SLC12A4: variants seen among roughly 807,000 people sequenced by gnomAD.
SLC12A4 encodes the protein solute carrier family 12 member 4.
SLC12A4 carries 84 observed loss-of-function variants against 119.2 expected under a neutral mutation model. The observed-to-expected ratio is 0.70, with a 90% CI of 0.59 to 0.85. The LOEUF is 0.85. SLC12A4 is among the 40% of genes least tolerant of loss of function. The probability of loss-of-function intolerance (pLI) is 0.00; values close to 1 mark genes in which losing one functional copy is unlikely to be tolerated. For synonymous variants in SLC12A4, 599 were observed against 604.6 expected, an observed-to-expected ratio of 0.99 and a Z score of 0.14; for missense variants, 1,298 against 1,476.3, an observed-to-expected ratio of 0.88 and a Z score of 1.98.
At position 67,944,094 on chromosome 16, in the gene SLC12A4, G is replaced by T. The variant is rs753021814; in HGVS notation, c.*746C>A. 6.5e-7 allele frequency: 1 copy of T among 1,547,692 alleles called. No homozygotes were observed. The highest frequency in any genetic ancestry group is 2.4e-5 in the East Asian group (1 of 40,880). On this transcript the variant is annotated 3_prime_UTR_variant, in exon 24 of 24. Coordinates refer to ENST00000316341, the MANE Select transcript of SLC12A4 (RefSeq NM_005072.5). The surrounding 1 kb of genome is among the most constrained non-coding windows in gnomAD (Gnocchi z 6.6). ...CACCCACTGCCATGGGGAGCCGGGC[G>T]GCCCCATTCCAGCCCTGGTGCCTAC...
chr16:67,954,497 G>A (rs2030134272), intron 6 of SLC12A4, 146 bp downstream of exon 6: 1 of 977,578 alleles, frequency 1.0e-6, no homozygotes, highest in African/African-American at 1.6e-5. Flanking sequence ...CTGAGTAAAG[G>A]TCTTTGTCTC....
rs1219924046 is a variant in SLC12A4 at position 67,950,049 on chromosome 16, T to C, written c.1630-131A>G. The stretch of plus-strand genomic sequence containing the variant: ...CAGGCCGCCCCTGTGTCTATCCCTA[T>C]GGGTGTCACCAGTCTCCCTGATTCC... On this transcript the variant is annotated intron_variant, in intron 12 of 23. Transcript: ENST00000316341. This position sits in a 1 kb window ranked among gnomAD's most constrained non-coding sequence, Gnocchi z 4.3. 1 of 751,208 alleles carries C rather than the reference T, an allele frequency of 1.3e-6. No individual in the cohort carries two copies. The highest frequency in any genetic ancestry group is 1.8e-5 in the African/African-American group (1 of 56,110). The allele number at this position is 751,208 out of a possible 1,614,324, so 46.5% of individuals were successfully genotyped here.
rs966376635 is a variant in SLC12A4, at chr16:67,963,824, A to C, written c.116-265T>G. On this transcript the variant is annotated intron_variant, in intron 1 of 23. Coordinates refer to ENST00000316341, the MANE Select transcript of SLC12A4 (RefSeq NM_005072.5). Reference sequence around the variant, plus strand: ...AGGGCGCAGGCGCCCTAGCACAAGCACGTATGGACACTGAGGGACGGGGCC... The same window carrying C: ...AGGGCGCAGGCGCCCTAGCACAAGCCCGTATGGACACTGAGGGACGGGGCC... 6 of 1,421,166 alleles carry C rather than the reference A, an allele frequency of 4.2e-6. No homozygotes were observed. The East Asian group carries it at 1.3e-4, about 30-fold the overall frequency. 88.0% of individuals were successfully genotyped at this position (1,421,166 alleles called of 1,614,324 possible).
intron 6 of SLC12A4, 119 bp downstream of exon 6, chr16:67,954,524 C>A: frequency 7.8e-7 from 1 of 1,282,124 alleles, no homozygotes; most frequent in Non-Finnish European, 1.1e-6. Flanking sequence ...AGGCTTCCTA[C>A]TTTATAATAC....
intron 1 of SLC12A4, among the ~76,000 whole-genome samples, chr16:67,967,656 T>C (rs1943260300): frequency 6.6e-6 from 1 of 151,960 alleles, no homozygotes; most frequent in Non-Finnish European, 1.5e-5. Flanking sequence ...AGGAGGGAGA[T>C]GGGGCTTACC....
At chr16:67,955,001 A>G (rs758038060) in intron 5 of SLC12A4, among the ~76,000 whole-genome samples, 1 of 152,198 alleles carries the variant, frequency 6.6e-6, no homozygotes, top group South Asian at 2.1e-4. Context: ...GCCCGTGGAA[A>G]TAACTGCTTT....
intron 3 of SLC12A4, among the ~76,000 whole-genome samples, chr16:67,959,033 C>A (rs2030425827): frequency 6.6e-6 from 1 of 152,128 alleles, no homozygotes; most frequent in African/African-American, 2.4e-5. Context: ...CTGCAGGTAC[C>A]CAAAAGGTGC....
Position 67,952,190 on chromosome 16 carries a change from AC to A in SLC12A4, c.910del (p.Val304CysfsTer25). On this transcript the variant is annotated frameshift_variant, in exon 7 of 24. Coordinates refer to ENST00000316341, the MANE Select transcript of SLC12A4 (RefSeq NM_005072.5). LOFTEE classifies it high-confidence loss of function. ...GGIKSIFDPP[V>X]FPVCMLGNRT... ...AAATTCCTGGGTTACTTACGGAAAC[AC>A]GGGAGGGTCAAATATAGACTTTATG... 1 of 1,613,976 alleles carries A rather than the reference AC, an allele frequency of 6.2e-7. No homozygotes were observed. Among genetic ancestry groups the A allele is most frequent in the Non-Finnish European group, 8.5e-7 (1 of 1,179,912 alleles).
At position 67,949,982 on chromosome 16, in the gene SLC12A4, C is replaced by A; in HGVS notation, c.1630-64G>T. The stretch of plus-strand genomic sequence containing the variant: ...CATTCCACACCTTGGGCCCCAGACC[C>A]CAGCCTGGCCTCCCTCACCCCCAGG... On this transcript the variant is annotated intron_variant, in intron 12 of 23. Transcript: ENST00000316341. The surrounding 1 kb of genome is among the most constrained non-coding windows in gnomAD (Gnocchi z 4.6). 1 of 1,316,196 alleles carries A rather than the reference C, an allele frequency of 7.6e-7. No individual in the cohort carries two copies. The highest frequency in any genetic ancestry group is 1.2e-5 in the South Asian group (1 of 83,432). The allele number at this position is 1,316,196 out of a possible 1,614,324, so 81.5% of individuals were successfully genotyped here.
In SLC12A4 at chr16:67,944,732, G is replaced by C; in HGVS notation, c.*108C>G. ...CAAAGCTGGGTCCAGGACAGGGCCA[G>C]GCAAGCAGGGCTGGCAGGTGGGTGC... On this transcript the variant is annotated 3_prime_UTR_variant, in exon 24 of 24. Coordinates refer to ENST00000316341, the MANE Select transcript of SLC12A4 (RefSeq NM_005072.5). The surrounding 1 kb of genome is among the most constrained non-coding windows in gnomAD (Gnocchi z 6.6). 6.7e-7 allele frequency: 1 copy of C among 1,494,480 alleles called. No homozygotes were observed. Among genetic ancestry groups the C allele is most frequent in the South Asian group, 1.3e-5 (1 of 77,290 alleles). 92.6% of individuals were successfully genotyped at this position (1,494,480 alleles called of 1,614,324 possible).
chr16:67,951,820 C>A lies in SLC12A4; in HGVS notation c.1132+3G>T. ...GAGCAAGACGACGGGAGGGAGGACCCACCCTGGAGCACACCAGCAGCTGCC... is the reference window on the plus strand; with the variant it reads ...GAGCAAGACGACGGGAGGGAGGACCAACCCTGGAGCACACCAGCAGCTGCC... On this transcript the variant is annotated splice_donor_region_variant and intron_variant, in intron 8 of 23. Coordinates refer to ENST00000316341, the MANE Select transcript of SLC12A4 (RefSeq NM_005072.5). This position sits in a 1 kb window ranked among gnomAD's most constrained non-coding sequence, Gnocchi z 5.2. The A allele has an allele frequency of 6.2e-7, 1 of 1,609,844 alleles. No individual in the cohort carries two copies. Among genetic ancestry groups the A allele is most frequent in the Non-Finnish European group, 8.5e-7 (1 of 1,178,336 alleles).
rs2058358371 is a variant in SLC12A4 at position 67,947,017 on chromosome 16, C to T, written c.2161G>A (p.Gly721Ser). The T allele has an allele frequency of 1.2e-6, 2 of 1,613,060 alleles. No homozygotes were observed. Among genetic ancestry groups the T allele is most frequent in the South Asian group, 1.1e-5 (1 of 91,094 alleles). Residue 721 changes from glycine (G) to serine (S), a missense_variant, in exon 17 of 24, where the codon GGC (glycine) becomes AGC (serine). Transcript: ENST00000316341. ...GAACCAACAATGGTCAGGCCCTTGC[C>T]AGCCTTGAGCTGGGAGGCGAAGGTG... ...LLTFASQLKAGKGLTIVGSVI... is the reference protein window; with the variant it reads ...LLTFASQLKASKGLTIVGSVI...
Position 67,949,550 on chromosome 16 carries a change from G to A in SLC12A4, c.1748+250C>T, listed in dbSNP as rs1397977585. On this transcript the variant is annotated intron_variant, in intron 13 of 23. Coordinates refer to ENST00000316341, the MANE Select transcript of SLC12A4 (RefSeq NM_005072.5). The surrounding 1 kb of genome is among the most constrained non-coding windows in gnomAD (Gnocchi z 4.6). ...GACGCGGTGGTTGCCCTGTCCAGTGGGAAGGTCTGCCGGCCACCTGCTCTG... is the reference window on the plus strand; with the variant it reads ...GACGCGGTGGTTGCCCTGTCCAGTGAGAAGGTCTGCCGGCCACCTGCTCTG... 4.9e-6 allele frequency: 2 copies of A among 410,270 alleles called. No individual in the cohort carries two copies. Among genetic ancestry groups the A allele is most frequent in the African/African-American group, 4.3e-5 (2 of 47,046 alleles). The allele number at this position is 410,270 out of a possible 1,614,324, so 25.4% of individuals were successfully genotyped here.
chr16:67,944,884 A>G lies in SLC12A4; in HGVS notation c.3214T>C (p.Leu1072=), dbSNP rs576008009. 5.6e-6 allele frequency: 9 copies of G among 1,613,474 alleles called. 1 individual carries two copies. The Admixed American group carries it at 6.7e-5, about 12-fold the overall frequency. Reference sequence around the variant, plus strand: ...ACTTCACGGCCACCACCGCGCACCAACAGCACCCGCTCAAGGCCCTCGGTC... The same window carrying G: ...ACTTCACGGCCACCACCGCGCACCAGCAGCACCCGCTCAAGGCCCTCGGTC... ...VLTEGLERVL[L]VRGGGREVIT... Residue 1072 remains leucine, a synonymous_variant, in exon 24 of 24, where the codon TTG becomes CTG. Transcript: ENST00000316341. This position sits in a 1 kb window ranked among gnomAD's most constrained non-coding sequence, Gnocchi z 6.6.
At position 67,943,496 on chromosome 16, in the gene SLC12A4, G is replaced by T; in HGVS notation, c.*1344C>A. On this transcript the variant is annotated 3_prime_UTR_variant, in exon 24 of 24. Coordinates refer to ENST00000316341, the MANE Select transcript of SLC12A4 (RefSeq NM_005072.5). The surrounding 1 kb of genome is among the most constrained non-coding windows in gnomAD (Gnocchi z 4.6). ...ACACCCAGTCTGGCGCTCCTTTATT[G>T]CCAAAGTCCAAGGTGGGAACAGATA... The T allele has an allele frequency of 1.9e-6, 1 of 530,222 alleles. No homozygotes were observed. The highest frequency in any genetic ancestry group is 3.4e-6 in the Non-Finnish European group (1 of 292,068). 32.8% of individuals were successfully genotyped at this position (530,222 alleles called of 1,614,324 possible).
chr16:67,968,431 G>T lies in SLC12A4; in HGVS notation c.115+8C>A. ...GCCCCGCCACGGCCCCTCAGAACGC[G>T]CCCTCACCGTCCGAGTCATCCAGCT... On this transcript the variant is annotated splice_region_variant and intron_variant, in intron 1 of 23. Coordinates refer to ENST00000316341, the MANE Select transcript of SLC12A4 (RefSeq NM_005072.5). 1.3e-6 allele frequency: 2 copies of T among 1,565,722 alleles called. No individual in the cohort carries two copies. Among genetic ancestry groups the T allele is most frequent in the East Asian group, 5.0e-5 (2 of 40,336 alleles).
At position 67,950,875 on chromosome 16, in the gene SLC12A4, G is replaced by C; in HGVS notation, c.1396+87C>G. On this transcript the variant is annotated intron_variant, in intron 10 of 23. Transcript: ENST00000316341. This position sits in a 1 kb window ranked among gnomAD's most constrained non-coding sequence, Gnocchi z 4.3. Reference sequence around the variant, plus strand: ...AGGGGAGCTATATATGAGTGTGTGGGGTGTCTGTGCATGTGACCTGGCAAC... The same window carrying C: ...AGGGGAGCTATATATGAGTGTGTGGCGTGTCTGTGCATGTGACCTGGCAAC... The C allele has an allele frequency of 6.9e-7, 1 of 1,457,986 alleles. No individual in the cohort carries two copies. Among genetic ancestry groups the C allele is most frequent in the Non-Finnish European group, 9.6e-7 (1 of 1,046,202 alleles). 90.3% of individuals were successfully genotyped at this position (1,457,986 alleles called of 1,614,324 possible).
At chr16:67,964,140 A>G in intron 1 of SLC12A4, 1 of 1,471,654 alleles carries the variant, frequency 6.8e-7, no homozygotes, top group African/African-American at 1.4e-5. Context: ...GGAGAGCGGA[A>G]GTGGATTCCA....
intron 1 of SLC12A4, chr16:67,966,988 C>G (rs1428507283): frequency 1.8e-6 from 2 of 1,082,116 alleles, no homozygotes; most frequent in Admixed American, 6.6e-5. Flanking sequence ...CAGGCTGATC[C>G]TGGGGATGCA....
Sources: gnomAD v4.1 joint callset for allele counts (sites outside exome capture counted in the v4.1 genomes callset) on GRCh38, gnomAD v4.1.1 for gene constraint, Gnocchi (gnomAD v3.1) non-coding constraint, MANE v1.5 for transcripts, NCBI Gene and HGNC (gene_info 2026-07-23, HGNC 2026-07-21) for gene names.